The following NNMT variants were observed in gnomAD, a reference collection of about 807,000 sequenced individuals.
NNMT encodes the protein nicotinamide N-methyltransferase.
In NNMT, 10 loss-of-function variants were observed where a neutral mutation model predicts 11.7. The ratio of observed to expected loss-of-function variants is 0.85; its 90% CI spans 0.53 to 1.45. NNMT has a LOEUF of 1.45. NNMT is among the 40% of genes most tolerant of loss of function. NNMT has a pLI of 0.00. For synonymous variants in NNMT, 143 were observed against 133.8 expected (o/e 1.07, Z -0.48); for missense variants, 381 against 319.4 (o/e 1.19, Z -1.47).
chr11:114,277,093 C>T (rs1038469831), intron 2 of NNMT, among the ~76,000 whole-genome samples: 19 of 152,260 alleles, frequency 1.2e-4, no homozygotes, highest in Middle Eastern at 3.4e-3. Context: ...CGTTGGGGCT[C>T]ATGCCTGTAA....
At chr11:114,306,900 T>A (rs544661964) in intron 2 of NNMT, among the ~76,000 whole-genome samples, 77 of 152,322 alleles carry the variant, frequency 5.1e-4, no homozygotes, top group South Asian at 1.5e-3. Context: ...AAAAGATGTT[T>A]GTATGTTGTC....
chr11:114,291,635 T>C (rs1945335927), upstream of NNMT, among the ~76,000 whole-genome samples: 1 of 152,154 alleles, frequency 6.6e-6, no homozygotes, highest in Admixed American at 6.5e-5. Context: ...TGGCATTCCT[T>C]GGGTTCCTCA....
At chr11:114,266,649 T>C (rs1265974677) in intron 2 of NNMT, among the ~76,000 whole-genome samples, 1 of 152,188 alleles carries the variant, frequency 6.6e-6, no homozygotes, top group Admixed American at 6.5e-5. Context: ...TGCTATGGTT[T>C]GAATGTGTCC....
intron 2 of NNMT, among the ~76,000 whole-genome samples, chr11:114,284,549 C>T (rs1169760208): frequency 1.3e-5 from 2 of 152,066 alleles, no homozygotes; most frequent in East Asian, 1.9e-4. Context: ...CTGCAACCTC[C>T]GCCTCCTGGG....
At chr11:114,279,011 C>G (rs1945237920) in intron 2 of NNMT, among the ~76,000 whole-genome samples, 1 of 152,136 alleles carries the variant, frequency 6.6e-6, no homozygotes, top group Non-Finnish European at 1.5e-5. Flanking sequence ...GATGGACCAG[C>G]CTGGGCCACC....
chr11:114,258,625 C>T (rs774470479), intron 1 of NNMT, among the ~76,000 whole-genome samples: 1 of 152,216 alleles, frequency 6.6e-6, no homozygotes, highest in Non-Finnish European at 1.5e-5. Context: ...CTGCCCAGAG[C>T]GATTTTCCAA....
intron 1 of NNMT, among the ~76,000 whole-genome samples, chr11:114,259,352 G>C (rs111796032): frequency 6.0e-5 from 9 of 150,088 alleles, no homozygotes; most frequent in Non-Finnish European, 1.0e-4. Context: ...CCCAGTGGGG[G>C]GGGGGGAGCT....
chr11:114,266,741 T>C (rs1945123059), intron 2 of NNMT, among the ~76,000 whole-genome samples: 1 of 152,234 alleles, frequency 6.6e-6, no homozygotes, highest in South Asian at 2.1e-4. Context: ...GTTTCTTACC[T>C]TGATAGTGGC....
intron 1 of NNMT, among the ~76,000 whole-genome samples, chr11:114,262,194 TA>T (rs1945088775): frequency 6.6e-6 from 1 of 152,206 alleles, no homozygotes; most frequent in African/African-American, 2.4e-5. Flanking sequence ...ATTTTATTTT[TA>T]TTTTTTATCT....
intron 2 of NNMT, among the ~76,000 whole-genome samples, chr11:114,278,767 A>G (rs908206373): frequency 3.9e-5 from 6 of 152,220 alleles, no homozygotes; most frequent in Middle Eastern, 3.2e-3. Flanking sequence ...TGCTGGGGTC[A>G]GATCAGAAGT....
chr11:114,299,553 T>G (rs1025302683), intron 2 of NNMT, among the ~76,000 whole-genome samples: 4 of 152,216 alleles, frequency 2.6e-5, no homozygotes, highest in African/African-American at 9.6e-5. Flanking sequence ...GGGAGTGATA[T>G]CCCCTCTTCT....
chr11:114,262,222 G>A (rs1945088944), intron 1 of NNMT, among the ~76,000 whole-genome samples: 1 of 152,056 alleles, frequency 6.6e-6, no homozygotes. Context: ...TTTAAGTTCA[G>A]GGGTACATGT....
chr11:114,291,287 T>C lies in NNMT; in HGVS notation c.-129-5141T>C, dbSNP rs542951488. Among the ~76,000 whole-genome samples the C allele has an allele frequency of 1.1e-4, 16 of 152,302 alleles. No individual in the cohort carries two copies. In the South Asian group the frequency reaches 3.1e-3, roughly 30 times the overall value. On this transcript the variant is annotated intron_variant, in intron 2 of 4. Coordinates refer to the NNMT transcript ENST00000535401. ...AGTCTATGTCTCTTAGCTTTCTCTT[T>C]TATTTTTTCCATTTCCCTTTCTCCC...
chr11:114,302,911 A>G (rs1349472039), intron 2 of NNMT, among the ~76,000 whole-genome samples: 1 of 152,154 alleles, frequency 6.6e-6, no homozygotes, highest in East Asian at 1.9e-4. Context: ...TAAAGGTACA[A>G]TGAGAAGTCA....
chr11:114,283,642 GT>G (rs1246613451), intron 2 of NNMT, among the ~76,000 whole-genome samples: 1 of 152,152 alleles, frequency 6.6e-6, no homozygotes, highest in Non-Finnish European at 1.5e-5. Flanking sequence ...CCGAGGCTTA[GT>G]TTTCTTTACA....
At chr11:114,302,798 G>A (rs1351676138) in intron 2 of NNMT, among the ~76,000 whole-genome samples, 1 of 152,112 alleles carries the variant, frequency 6.6e-6, no homozygotes, top group Non-Finnish European at 1.5e-5. Flanking sequence ...AGAGGTCGGG[G>A]CTTTGAAAGG....
chr11:114,292,038 T>C (rs566834457), upstream of NNMT, among the ~76,000 whole-genome samples: 79 of 152,302 alleles, frequency 5.2e-4, 1 homozygote, highest in South Asian at 0.016. Flanking sequence ...ATAGAGCAGA[T>C]CTTTCTCCTC....
intron 2 of NNMT, among the ~76,000 whole-genome samples, chr11:114,275,531 G>A (rs888600686): frequency 2.6e-4 from 40 of 152,178 alleles, no homozygotes; most frequent in Admixed American, 2.0e-4. Context: ...AGGCTTGCCC[G>A]TGCCAATAGC....
chr11:114,297,977 G>A lies in NNMT; in HGVS notation c.181G>A (p.Asp61Asn), dbSNP rs768238759. ...LDGVKGDLLI[D>N]IGSGPTIYQL... Reference sequence around the variant, plus strand: ...CGGTGTGAAGGGAGACCTGCTGATTGACATCGGCTCTGGCCCCACTATCTA... The same window carrying A: ...CGGTGTGAAGGGAGACCTGCTGATTAACATCGGCTCTGGCCCCACTATCTA... The change falls in exon 2 of 3, where the codon GAC (aspartate) becomes AAC (asparagine). Residue 61 changes from aspartate (D) to asparagine (N), a missense_variant. Coordinates refer to ENST00000299964, the MANE Select transcript of NNMT (RefSeq NM_006169.3). 6 of 1,613,118 alleles carry A rather than the reference G, an allele frequency of 3.7e-6. No homozygotes were observed. Among genetic ancestry groups the A allele is most frequent in the Non-Finnish European group, 4.2e-6 (5 of 1,180,002 alleles).
Sources: allele counts gnomAD v4.1 joint callset (sites outside exome capture counted in the v4.1 genomes callset), GRCh38; gene constraint gnomAD v4.1.1; transcripts MANE v1.5; gene names NCBI Gene and HGNC (gene_info 2026-07-23, HGNC 2026-07-21).